The following MICAL2 variants were observed in gnomAD, a reference collection of about 807,000 sequenced individuals.
MICAL2 encodes the protein microtubule associated monooxygenase, calponin and LIM domain containing 2, also known as [F-actin]-monooxygenase MICAL2.
A neutral mutation model predicts 127.3 loss-of-function variants in MICAL2; 77 were observed. The ratio of observed to expected loss-of-function variants is 0.60; its 90% CI spans 0.50 to 0.73. The LOEUF (loss-of-function observed/expected upper bound fraction) is 0.73. MICAL2 is among the 30% of genes least tolerant of loss of function. The pLI is 0.00. For synonymous variants in MICAL2, 570 were observed against 551.1 expected (o/e 1.03, Z -0.48); for missense variants, 1,351 against 1,434.4 (o/e 0.94, Z 0.94).
At chr11:12,260,736 A>G in intron 26 of MICAL2, 1 of 985,492 alleles carries the variant, frequency 1.0e-6, no homozygotes, top group Non-Finnish European at 1.2e-6. Context: ...AATTCAACTT[A>G]CAGAAGCACG....
At chr11:12,329,940 T>C (rs1404888298) in intron 32 of MICAL2, among the ~76,000 whole-genome samples, 1 of 151,842 alleles carries the variant, frequency 6.6e-6, no homozygotes, top group Non-Finnish European at 1.5e-5. Context: ...CTTGTGATGT[T>C]TCGGAGGTGT....
chr11:12,135,900 G>A (rs959604465), intron 1 of MICAL2, among the ~76,000 whole-genome samples: 5 of 152,052 alleles, frequency 3.3e-5, no homozygotes, highest in African/African-American at 4.8e-5. Context: ...ATCTCACACC[G>A]ACCTACACCA....
chr11:12,298,217 T>C (rs1159478138), intron 29 of MICAL2, among the ~76,000 whole-genome samples: 2 of 152,030 alleles, frequency 1.3e-5, no homozygotes, highest in Admixed American at 1.3e-4. Context: ...AGATCTAGCA[T>C]AATTATTAAT....
chr11:12,131,979 C>T (rs1238161727), intron 1 of MICAL2, among the ~76,000 whole-genome samples: 2 of 152,114 alleles, frequency 1.3e-5, no homozygotes, highest in Non-Finnish European at 2.9e-5. Flanking sequence ...GAATCCTCAC[C>T]CTAGCTTTAT....
chr11:12,220,052 C>T, intron 8 of MICAL2, 149 bp from the exon 9 acceptor site: 2 of 921,614 alleles, frequency 2.2e-6, no homozygotes, highest in Non-Finnish European at 3.2e-6. Context: ...GATTTATTTC[C>T]TCTTTATTCC....
intron 2 of MICAL2, among the ~76,000 whole-genome samples, chr11:12,154,398 G>A (rs1443184983): frequency 6.6e-6 from 1 of 152,130 alleles, no homozygotes; most frequent in African/African-American, 2.4e-5. Context: ...TGGACAGTCA[G>A]GGAAAGAAGA....
intron 2 of MICAL2, among the ~76,000 whole-genome samples, chr11:12,147,708 T>G (rs1320946202): frequency 6.6e-6 from 1 of 152,236 alleles, no homozygotes; most frequent in Non-Finnish European, 1.5e-5. Context: ...AGCATCTTGT[T>G]CCCTTGGCAT....
chr11:12,354,438 G>A (rs990868712), intron 33 of MICAL2, among the ~76,000 whole-genome samples: 1 of 149,848 alleles, frequency 6.7e-6, no homozygotes, highest in African/African-American at 2.5e-5. Flanking sequence ...TGCCACTGCA[G>A]TCCAGCCTGG....
chr11:12,201,856 C>T (rs10831762), intron 3 of MICAL2, among the ~76,000 whole-genome samples: 8 of 152,148 alleles, frequency 5.3e-5, no homozygotes, highest in Admixed American at 4.6e-4. Flanking sequence ...CAGTGGCTCA[C>T]GCCTGCAATC....
At chr11:12,337,237 G>C (rs971920762) in intron 32 of MICAL2, among the ~76,000 whole-genome samples, 17 of 152,184 alleles carry the variant, frequency 1.1e-4, no homozygotes, top group Non-Finnish European at 2.1e-4. Context: ...TAGTTTATTT[G>C]CGTAGAGGTG....
At chr11:12,183,448 C>A (rs112941374) in intron 3 of MICAL2, among the ~76,000 whole-genome samples, 3 of 152,182 alleles carry the variant, frequency 2.0e-5, no homozygotes, top group African/African-American at 7.2e-5. Flanking sequence ...CACAGAGCCT[C>A]TGCTCCAGCT....
chr11:12,329,600 T>A (rs1032355349), intron 32 of MICAL2, among the ~76,000 whole-genome samples: 1 of 152,206 alleles, frequency 6.6e-6, no homozygotes, highest in Admixed American at 6.5e-5. Context: ...CTAGATTTTT[T>A]ATCTGAAAAG....
chr11:12,233,196 T>C (rs1404144028), intron 15 of MICAL2, among the ~76,000 whole-genome samples: 1 of 152,228 alleles, frequency 6.6e-6, no homozygotes, highest in Non-Finnish European at 1.5e-5. Context: ...TTCATTACTC[T>C]CACAACAGCT....
At chr11:12,180,643 G>A (rs1017678142) in intron 3 of MICAL2, among the ~76,000 whole-genome samples, 1 of 152,112 alleles carries the variant, frequency 6.6e-6, no homozygotes, top group Non-Finnish European at 1.5e-5. Context: ...GGTAATAAGG[G>A]CTGGGATTAT....
chr11:12,360,119 T>TAAA (rs369069433), downstream of MICAL2, among the ~76,000 whole-genome samples: 5 of 144,874 alleles, frequency 3.5e-5, no homozygotes, highest in African/African-American at 1.3e-4. Flanking sequence ...TTTTTTTTTT[T>TAAA]AAAAAAAAAA....
intron 3 of MICAL2, among the ~76,000 whole-genome samples, chr11:12,165,483 C>G (rs554719596): frequency 1.3e-5 from 2 of 152,356 alleles, no homozygotes; most frequent in East Asian, 3.9e-4. Context: ...ATCATTAATG[C>G]TAAGCCAGAT....
intron 1 of MICAL2, among the ~76,000 whole-genome samples, chr11:12,134,351 C>T (rs181758561): frequency 6.6e-6 from 1 of 152,278 alleles, no homozygotes; most frequent in Non-Finnish European, 1.5e-5. Flanking sequence ...GCTTTAGCTT[C>T]CTTCTTTCTC....
intron 32 of MICAL2, among the ~76,000 whole-genome samples, chr11:12,334,855 A>C (rs367927951): frequency 6.6e-6 from 1 of 151,978 alleles, no homozygotes; most frequent in Non-Finnish European, 1.5e-5. Flanking sequence ...TCTATCATTG[A>C]TGGACATTTG....
intron 32 of MICAL2, among the ~76,000 whole-genome samples, chr11:12,344,629 A>T (rs919909375): frequency 1.3e-5 from 2 of 149,726 alleles, no homozygotes; most frequent in African/African-American, 2.4e-5. Flanking sequence ...GCCTCTGAGT[A>T]GTTGGGATTA....
Sources: allele counts gnomAD v4.1 joint callset (sites outside exome capture counted in the v4.1 genomes callset), GRCh38; gene constraint gnomAD v4.1.1; transcripts MANE v1.5; gene names NCBI Gene and HGNC (gene_info 2026-07-23, HGNC 2026-07-21).